The following B4GALNT2 variants were observed in gnomAD, a reference collection of about 807,000 sequenced individuals.
B4GALNT2 encodes N-acetylneuraminylgalactosylglucosyl-glucoside beta-1,4-N- acetylgalactosaminyltransferase 2.
A neutral mutation model predicts 51.1 loss-of-function variants in B4GALNT2; 42 were observed. That is an observed-to-expected ratio of 0.82 (90% CI 0.64 to 1.06). B4GALNT2 has a LOEUF of 1.06. B4GALNT2 is among the 50% of genes least tolerant of loss of function. The pLI is 0.00. For synonymous variants in B4GALNT2, 253 were observed against 251.7 expected (o/e 1.01, Z -0.05); for missense variants, 602 against 633.6 (o/e 0.95, Z 0.54).
chr17:49,155,887 C>T (rs939423884), intron 4 of B4GALNT2, among the ~76,000 whole-genome samples: 37 of 151,580 alleles, frequency 2.4e-4, no homozygotes, highest in African/African-American at 8.2e-4. Flanking sequence ...CATGCCCGGC[C>T]AATTTTTTTT....
At chr17:49,164,026 C>G (rs1336157583) in intron 7 of B4GALNT2, 62 bp from the exon 8 acceptor site, 1 of 1,487,422 alleles carries the variant, frequency 6.7e-7, no homozygotes, top group Non-Finnish European at 9.2e-7. Context: ...CAGATCAAAG[C>G]AGGAAAAGAC....
chr17:49,120,721 G>C, the B4GALNT2 span, among the ~76,000 whole-genome samples: 1 of 152,006 alleles, frequency 6.6e-6, no homozygotes, highest in African/African-American at 2.4e-5. Context: ...TGTCGGCCAG[G>C]CTGGTCTCAA....
Position 49,174,278 on chromosome 17 carries a change from TTA to T in B4GALNT2, c.*4552_*4553del, listed in dbSNP as rs2042974762. On this transcript the variant is annotated 3_prime_UTR_variant, in exon 11 of 11. Coordinates refer to ENST00000393354, the MANE Select transcript of B4GALNT2 (RefSeq NM_001159387.2). ...AATAATGTAACACTGTGAAAATTTT[TTA>T]TGAGTAGGTTCAATTGTTTGCCCTA... 1 of 152,232 alleles carries T rather than the reference TTA, an allele frequency of 6.6e-6. No homozygotes were observed. The highest frequency in any genetic ancestry group is 1.5e-5 in the Non-Finnish European group (1 of 68,042). 9.4% of individuals were successfully genotyped at this position (152,232 alleles called of 1,614,324 possible).
At chr17:49,137,335 A>G (rs1170421232) in intron 1 of B4GALNT2, among the ~76,000 whole-genome samples, 1 of 152,222 alleles carries the variant, frequency 6.6e-6, no homozygotes, top group Non-Finnish European at 1.5e-5. Flanking sequence ...TGAATGGATT[A>G]ATGCCATTAT....
upstream of B4GALNT2, among the ~76,000 whole-genome samples, chr17:49,127,835 C>T (rs11654406): frequency 0.51 from 77,562 of 152,002 alleles, 20,174 homozygotes; most frequent in Middle Eastern, 0.62. Flanking sequence ...ATTCATGGTG[C>T]CTTTTTGTTT....
chr17:49,122,795 T>C, the B4GALNT2 span, among the ~76,000 whole-genome samples: 1 of 152,176 alleles, frequency 6.6e-6, no homozygotes, highest in Admixed American at 6.5e-5. Flanking sequence ...TTAAGCAAAA[T>C]GCTACAGTAA....
chr17:49,159,195 C>A lies in B4GALNT2; in HGVS notation c.657C>A (p.Tyr219Ter). 1 of 1,614,104 alleles carries A rather than the reference C, an allele frequency of 6.2e-7. No homozygotes were observed. The highest frequency in any genetic ancestry group is 8.5e-7 in the Non-Finnish European group (1 of 1,180,012). ...LQHVTYTSTG[Y>*]QHQKVDIVSL... ...ACGTGACATACACCAGCACGGGGTA[C>A]CAGCACCAGAAGGTAGACATAGGTG... The change falls in exon 6 of 11, where the codon TAC becomes TAA. Residue 219 changes from tyrosine (Y) to a stop codon, truncating the protein, a stop_gained. Coordinates refer to ENST00000393354, the MANE Select transcript of B4GALNT2 (RefSeq NM_001159387.2). LOFTEE classifies it high-confidence loss of function.
chr17:49,150,197 T>G (rs1341834972), intron 3 of B4GALNT2, among the ~76,000 whole-genome samples: 3 of 96,164 alleles, frequency 3.1e-5, no homozygotes, highest in Admixed American at 2.2e-4. Context: ...GGGAGGGAGG[T>G]GGGGGGGTCA....
chr17:49,167,350 C>T (rs1016232643), intron 9 of B4GALNT2, among the ~76,000 whole-genome samples: 3 of 152,174 alleles, frequency 2.0e-5, no homozygotes, highest in African/African-American at 7.2e-5. Flanking sequence ...TTTCTCGCAT[C>T]GGTTCTAAAT....
the B4GALNT2 span, among the ~76,000 whole-genome samples, chr17:49,123,839 G>A: frequency 1.3e-5 from 2 of 152,184 alleles, no homozygotes; most frequent in East Asian, 3.8e-4. Flanking sequence ...TTTCCCAAGA[G>A]CTTTCTTGGC....
At chr17:49,131,511 C>T (rs7220253), upstream of B4GALNT2, among the ~76,000 whole-genome samples, 76,138 of 138,202 alleles carry the variant, frequency 0.55, 20,621 homozygotes, top group Middle Eastern at 0.65. Flanking sequence ...TTCTTTTTTT[C>T]CCTTTTTTTG....
rs542090787 is a variant in B4GALNT2, at chr17:49,160,747, G to T, written c.766+106G>T. The T allele has an allele frequency of 1.9e-4, 191 of 1,003,768 alleles. 1 individual carries two copies. In the African/African-American group the frequency reaches 2.6e-3, roughly 14 times the overall value. The allele number at this position is 1,003,768 out of a possible 1,614,324, so 62.2% of individuals were successfully genotyped here. On this transcript the variant is annotated intron_variant, in intron 7 of 10. Transcript: ENST00000393354. ...CGGAGGAGAATTGATCAAAATGACA[G>T]CTCTGATATGCTCCCTGACAAGCTT...
At chr17:49,122,391 T>C in the B4GALNT2 span, among the ~76,000 whole-genome samples, 1 of 152,204 alleles carries the variant, frequency 6.6e-6, no homozygotes, top group South Asian at 2.1e-4. Flanking sequence ...AGTTTTCTGG[T>C]CTCAGATTGA....
At chr17:49,163,756 C>CAAA (rs10589274) in intron 7 of B4GALNT2, among the ~76,000 whole-genome samples, 80 of 91,124 alleles carry the variant, frequency 8.8e-4, no homozygotes, top group African/African-American at 3.0e-3. Context: ...AACTCCGTAT[C>CAAA]AAAAAAAAAA....
rs774082162 is a variant in B4GALNT2 at position 49,166,123 on chromosome 17, GCT to G, written c.965_966del (p.Ala322GlyfsTer2). 47 of 1,613,884 alleles carry G rather than the reference GCT, an allele frequency of 2.9e-5. No individual in the cohort carries two copies. The African/African-American group carries it at 5.9e-4, about 20-fold the overall frequency. On this transcript the variant is annotated frameshift_variant, in exon 9 of 11. Coordinates refer to ENST00000393354, the MANE Select transcript of B4GALNT2 (RefSeq NM_001159387.2). LOFTEE classifies it high-confidence loss of function. ...CTCATTTCATCTACAGGGTTGGTTTGCTGGTAGGAACCTGGCCATATCTCAGG... is the reference window on the plus strand; with the variant it reads ...CTCATTTCATCTACAGGGTTGGTTTGGGTAGGAACCTGGCCATATCTCAGG... The part of the protein sequence containing the change: ...YTMPFGKGWF[A>X]GRNLAISQVT...
intron 1 of B4GALNT2, among the ~76,000 whole-genome samples, chr17:49,134,971 CT>C (rs1257594039): frequency 6.6e-6 from 1 of 152,322 alleles, no homozygotes; most frequent in East Asian, 1.9e-4. Context: ...CTAGCTGAAA[CT>C]GTGTAACCAT....
chr17:49,126,339 A>G, the B4GALNT2 span, among the ~76,000 whole-genome samples: 1 of 152,090 alleles, frequency 6.6e-6, no homozygotes, highest in Non-Finnish European at 1.5e-5. Context: ...CCTAATCTCA[A>G]GTACCCAGGG....
In B4GALNT2 at chr17:49,150,163, T is replaced by C. The variant is rs546838185; in HGVS notation, c.354-2637T>C. On this transcript the variant is annotated intron_variant, in intron 3 of 10. Coordinates refer to ENST00000393354, the MANE Select transcript of B4GALNT2 (RefSeq NM_001159387.2). ...CCCCTACTGGGAAGTGAGGAGCCCC[T>C]CTGTCCGGCCAGCCGCCCCGTCCGG... Among the ~76,000 whole-genome samples, 561 of 142,544 alleles carry C rather than the reference T, an allele frequency of 3.9e-3. 28 individuals are homozygous for C. The highest frequency in any genetic ancestry group is 0.027 in the East Asian group (118 of 4,444). 93.5% of individuals were successfully genotyped at this position (142,544 alleles called of 152,430 possible).
intron 1 of B4GALNT2, among the ~76,000 whole-genome samples, chr17:49,137,440 T>TTTCCACC (rs1430760388): frequency 6.6e-6 from 1 of 152,160 alleles, no homozygotes; most frequent in Non-Finnish European, 1.5e-5. Context: ...CTCACTTGTT[T>TTTCCACC]TTCCACCTTC....
Sources: allele counts gnomAD v4.1 joint callset (sites outside exome capture counted in the v4.1 genomes callset), GRCh38; gene constraint gnomAD v4.1.1; transcripts MANE v1.5; gene names NCBI Gene and HGNC (gene_info 2026-07-23, HGNC 2026-07-21).